HMCN2: variants seen among roughly 807,000 people sequenced by gnomAD.
HMCN2 encodes the protein hemicentin-2.
HMCN2 carries 325 observed loss-of-function variants against 377.5 expected under a neutral mutation model. The observed-to-expected ratio is 0.86, with a 90% CI of 0.79 to 0.94. The LOEUF (loss-of-function observed/expected upper bound fraction) is 0.94, where lower values mean the gene tolerates loss of function less well. Among genes scored for constraint, HMCN2 ranks in the 40% least tolerant of loss-of-function variants. The pLI is 0.00. For synonymous variants in HMCN2, 2,007 were observed against 2,046.8 expected, an observed-to-expected ratio of 0.98 and a Z score of 0.53; for missense variants, 4,543 against 4,725.3, an observed-to-expected ratio of 0.96 and a Z score of 1.13.
chr9:130,282,603 G>A (rs781898747), intron 1 of HMCN2, among the ~76,000 whole-genome samples: 1 of 152,196 alleles, frequency 6.6e-6, no homozygotes, highest in Non-Finnish European at 1.5e-5. Context: ...GAGGGGCCGG[G>A]GCCACGGGGG....
intron 30 of HMCN2, 29 bp from the exon 31 acceptor site, chr9:130,352,898 G>A: frequency 8.1e-7 from 1 of 1,235,594 alleles, no homozygotes; most frequent in African/African-American, 1.6e-5. Flanking sequence ...GCGGCTGCCT[G>A]TGACCAGCCC....
chr9:130,416,306 T>C (rs1843696057), intron 85 of HMCN2, among the ~76,000 whole-genome samples: 1 of 152,092 alleles, frequency 6.6e-6, no homozygotes, highest in Admixed American at 6.5e-5. Context: ...GGTTTCACCA[T>C]GTTGGCCCGG....
Position 130,361,682 on chromosome 9 carries a change from T to C in HMCN2, c.5951-326T>C, listed in dbSNP as rs558220930. Among the ~76,000 whole-genome samples, 1 of 152,304 alleles carries C rather than the reference T, an allele frequency of 6.6e-6. No individual in the cohort carries two copies. Among genetic ancestry groups the C allele is most frequent in the East Asian group, 1.9e-4 (1 of 5,170 alleles). On this transcript the variant is annotated intron_variant, in intron 38 of 97. Transcript: ENST00000683500. This position sits in a 1 kb window ranked among gnomAD's most constrained non-coding sequence, Gnocchi z 4.8. ...AGGAAGTAGCACTGTCCAGGGACCC[T>C]TGGTCCCCTCCCCATCCCCATAATA...
intron 56 of HMCN2, among the ~76,000 whole-genome samples, chr9:130,383,256 C>T (rs918772446): frequency 9.3e-6 from 1 of 107,772 alleles, no homozygotes; most frequent in Non-Finnish European, 2.2e-5. Flanking sequence ...CAGCACGGCC[C>T]TCCACAGGGG....
At chr9:130,374,720 C>T (rs551490273) in intron 49 of HMCN2, 27 bp downstream of exon 49, 114 of 982,532 alleles carry the variant, frequency 1.2e-4, no homozygotes, top group East Asian at 9.1e-4. Flanking sequence ...TCCTGGCCAC[C>T]GCGGGTGCTG....
rs545858172 is a variant in HMCN2, at chr9:130,433,326, C to A, written c.14895-22C>A. The A allele has an allele frequency of 1.3e-5, 18 of 1,414,014 alleles. No homozygotes were observed. In the South Asian group the frequency reaches 2.3e-4, roughly 18 times the overall value. 87.6% of individuals were successfully genotyped at this position (1,414,014 alleles called of 1,614,324 possible). ...GACCGCACCCCCGAGTCCGCCTGTC[C>A]GTGTGTCTGTGCCGCCCGCAGGACG... On this transcript the variant is annotated intron_variant, in intron 97 of 97. Coordinates refer to ENST00000683500, the MANE Select transcript of HMCN2 (RefSeq NM_001291815.2).
chr9:130,376,541 C>T lies in HMCN2; in HGVS notation c.7944C>T (p.Asp2648=). 1 of 985,862 alleles carries T rather than the reference C, an allele frequency of 1.0e-6. No homozygotes were observed. The highest frequency in any genetic ancestry group is 1.2e-6 in the Non-Finnish European group (1 of 829,972). 61.1% of individuals were successfully genotyped at this position (985,862 alleles called of 1,614,324 possible). A position where few individuals can be genotyped will look rare whatever the true frequency, so the allele number is the denominator to read the frequency against. ...TCCCCCCTTCCATCTCCAAAGACGACCCCTTGGCGGAGGTCGGCGTGAAGG... is the reference window on the plus strand; with the variant it reads ...TCCCCCCTTCCATCTCCAAAGACGATCCCTTGGCGGAGGTCGGCGTGAAGG... ...VLIPPSISKD[D]PLAEVGVKEV... The change falls in exon 52 of 98, where the codon GAC becomes GAT. Residue 2648 remains aspartate, a synonymous_variant. Coordinates refer to ENST00000683500, the MANE Select transcript of HMCN2 (RefSeq NM_001291815.2).
intron 8 of HMCN2, among the ~76,000 whole-genome samples, chr9:130,300,346 A>C (rs1836440485): frequency 2.0e-5 from 3 of 152,248 alleles, no homozygotes; most frequent in Admixed American, 2.0e-4. Flanking sequence ...GGTGCTAGGC[A>C]CTGTAGACAC....
At chr9:130,377,863 C>G in intron 53 of HMCN2, 64 bp downstream of exon 53, 1 of 971,162 alleles carries the variant, frequency 1.0e-6, no homozygotes, top group Non-Finnish European at 1.2e-6. Flanking sequence ...TGGGGCTGGC[C>G]CTCCGCAGGC....
rs762166106 is a variant in HMCN2 at position 130,399,664 on chromosome 9, TG to T, written c.11605+36del. 7.1e-6 allele frequency: 9 copies of T among 1,266,102 alleles called. No homozygotes were observed. The African/African-American group carries it at 1.2e-4, about 17-fold the overall frequency. 78.4% of individuals were successfully genotyped at this position (1,266,102 alleles called of 1,614,324 possible). A position where few individuals can be genotyped will look rare whatever the true frequency, so the allele number is the denominator to read the frequency against. On this transcript the variant is annotated intron_variant, in intron 76 of 97. Transcript: ENST00000683500. ...CGGGGCAGAGGTGGAGGGGGACACCTGGGGTGGGGGCAGCGCCTTCCCGCTC... is the reference window on the plus strand; with the variant it reads ...CGGGGCAGAGGTGGAGGGGGACACCTGGGTGGGGGCAGCGCCTTCCCGCTC...
At position 130,398,678 on chromosome 9, in the gene HMCN2, G is replaced by A. The variant is rs765627265; in HGVS notation, c.11454G>A (p.Leu3818=). ...LVVWWKDGQK[L]DFRLQQGAYR... ...TCTGGTGGAAGGACGGACAGAAGCT[G>A]GACTTCCGCCTGCAGCAGGGCGCCT... Residue 3818 remains leucine (L), a synonymous_variant, in exon 75 of 98, where the codon CTG becomes CTA. Transcript: ENST00000683500. 108 of 1,289,490 alleles carry A rather than the reference G, an allele frequency of 8.4e-5. No homozygotes were observed. The highest frequency in any genetic ancestry group is 1.1e-4 in the Non-Finnish European group (104 of 988,714). 79.9% of individuals were successfully genotyped at this position (1,289,490 alleles called of 1,614,324 possible).
intron 11 of HMCN2, among the ~76,000 whole-genome samples, chr9:130,305,669 G>A (rs1159317355): frequency 2.6e-5 from 4 of 152,178 alleles, no homozygotes; most frequent in East Asian, 1.9e-4. Flanking sequence ...TTCTGGATGC[G>A]CGGGCCTGTG....
chr9:130,351,678 G>A lies in HMCN2; in HGVS notation c.4585+101G>A, dbSNP rs1312840902. On this transcript the variant is annotated intron_variant, in intron 30 of 97. Coordinates refer to ENST00000683500, the MANE Select transcript of HMCN2 (RefSeq NM_001291815.2). This position sits in a 1 kb window ranked among gnomAD's most constrained non-coding sequence, Gnocchi z 5.4. ...AGGGAGAGTGAGGGCTGAAATGGGG[G>A]ACCTGGTGAGTGATCCCTGAGTCCA... 1.9e-6 allele frequency: 2 copies of A among 1,041,178 alleles called. No homozygotes were observed. Among genetic ancestry groups the A allele is most frequent in the African/African-American group, 3.3e-5 (2 of 60,084 alleles). 64.5% of individuals were successfully genotyped at this position (1,041,178 alleles called of 1,614,324 possible).
At position 130,306,153 on chromosome 9, in the gene HMCN2, C is replaced by T. The variant is rs761069612; in HGVS notation, c.1841C>T (p.Thr614Ile). The change falls in exon 12 of 98, where the codon ACC becomes ATC. Residue 614 changes from threonine (T) to isoleucine (I), a missense_variant. This residue lies in a region of HMCN2 where 547 missense variants were observed against 189.9 expected (regional missense o/e 2.88). Transcript: ENST00000683500. ...VREAPQVSIH[T>I]SSQHFSQGVE... ...GAGGCCCCACAGGTCAGCATCCACA[C>T]CAGCTCCCAGCACTTCTCCCAAGGT... 5.7e-5 allele frequency: 27 copies of T among 471,014 alleles called. No individual in the cohort carries two copies. The highest frequency in any genetic ancestry group is 1.1e-4 in the Non-Finnish European group (25 of 227,038). The allele number at this position is 471,014 out of a possible 1,614,324, so 29.2% of individuals were successfully genotyped here.
chr9:130,373,609 ATG>A (rs1841174509), intron 48 of HMCN2, among the ~76,000 whole-genome samples: 1 of 2,784 alleles, frequency 3.6e-4, no homozygotes, highest in Non-Finnish European at 6.5e-4. Flanking sequence ...GGGTGGGTGG[ATG>A]GATGGATGGA....
chr9:130,396,602 C>G (rs911259894), intron 73 of HMCN2, among the ~76,000 whole-genome samples: 2 of 152,188 alleles, frequency 1.3e-5, no homozygotes, highest in Non-Finnish European at 2.9e-5. Context: ...ATCTCTTTCT[C>G]TCTCTTACCT....
chr9:130,365,959 G>T lies in HMCN2; in HGVS notation c.6589G>T (p.Gly2197Cys), dbSNP rs1279388830. Residue 2197 changes from glycine to cysteine, a missense_variant, in exon 43 of 98, where the codon GGT (glycine) becomes TGT (cysteine). Gly to Cys is a radical substitution (Grantham distance 159, BLOSUM62 -3). This residue lies in a region of HMCN2 where 1,032 missense variants were observed against 1,285.1 expected (regional missense o/e 0.80). Coordinates refer to ENST00000683500, the MANE Select transcript of HMCN2 (RefSeq NM_001291815.2). ...HPTRLSCECRGVPFPKISWRK... is the reference protein window; with the variant it reads ...HPTRLSCECRCVPFPKISWRK... ...TACCAGGCTGTCCTGCGAATGCCGG[G>T]GTGTCCCCTTCCCCAAGATCTCCTG... The T allele has an allele frequency of 1.0e-6, 1 of 985,746 alleles. No homozygotes were observed. The highest frequency in any genetic ancestry group is 1.2e-6 in the Non-Finnish European group (1 of 829,966). 61.1% of individuals were successfully genotyped at this position (985,746 alleles called of 1,614,324 possible). A position where few individuals can be genotyped will look rare whatever the true frequency, so the allele number is the denominator to read the frequency against.
chr9:130,415,119 A>T (rs1588425652), intron 85 of HMCN2, among the ~76,000 whole-genome samples: 1 of 151,868 alleles, frequency 6.6e-6, no homozygotes, highest in South Asian at 2.1e-4. Context: ...CACGTGGGGA[A>T]CCCGGACTTC....
In HMCN2 at chr9:130,407,621, T is replaced by C. The variant is rs760473370; in HGVS notation, c.12604T>C (p.Ser4202Pro). The part of the protein sequence containing the change: ...GGSTLQRAAV[S>P]REDSGTYVCW... The stretch of plus-strand genomic sequence containing the variant: ...CAGCACGCTGCAGCGGGCCGCTGTC[T>C]CCAGAGAAGACAGCGGGACCTATGT... The change falls in exon 83 of 98, where the codon TCC becomes CCC. Residue 4202 changes from serine (S) to proline (P), a missense_variant. Around this residue, in one of 5 missense-constraint regions of HMCN2, gnomAD observed 1,073 missense variants for 1,319.5 expected, o/e 0.81. Coordinates refer to ENST00000683500, the MANE Select transcript of HMCN2 (RefSeq NM_001291815.2). 1.6e-6 allele frequency: 2 copies of C among 1,288,486 alleles called. No individual in the cohort carries two copies. The highest frequency in any genetic ancestry group is 1.2e-5 in the South Asian group (1 of 80,928). The allele number at this position is 1,288,486 out of a possible 1,614,324, so 79.8% of individuals were successfully genotyped here.
Sources: gnomAD v4.1 joint callset for allele counts (sites outside exome capture counted in the v4.1 genomes callset) on GRCh38, gnomAD v4.1.1 for gene constraint, gnomAD v4.1.1 regional missense constraint, Gnocchi (gnomAD v3.1) non-coding constraint, MANE v1.5 for transcripts, NCBI Gene and HGNC (gene_info 2026-07-23, HGNC 2026-07-21) for gene names.